The following FAM136A variants were observed in gnomAD, a reference collection of about 807,000 sequenced individuals.
FAM136A encodes TIM double twin CX3C motif chaperone, also known as TIM double twin CX3C motif protein.
A neutral mutation model predicts 21.6 loss-of-function variants in FAM136A; 25 were observed. The ratio of observed to expected loss-of-function variants is 1.16; its 90% CI spans 0.84 to 1.62. The LOEUF (loss-of-function observed/expected upper bound fraction) is 1.62, where lower values mean the gene tolerates loss of function less well. Ranked by LOEUF, FAM136A falls within the 40% of genes most tolerant of loss-of-function variation. The pLI is 0.00. For synonymous variants in FAM136A, 119 were observed against 129.4 expected (o/e 0.92, Z 0.55); for missense variants, 338 against 332.0 (o/e 1.02, Z -0.14).
Position 70,296,196 on chromosome 2 carries a change from G to C in FAM136A, c.*1093C>G, listed in dbSNP as rs1365529505. 3 of 136,984 alleles carry C rather than the reference G, an allele frequency of 2.2e-5. No individual in the cohort carries two copies. Among genetic ancestry groups the C allele is most frequent in the African/African-American group, 7.7e-5 (3 of 39,186 alleles). 8.5% of individuals were successfully genotyped at this position (136,984 alleles called of 1,614,324 possible). On this transcript the variant is annotated 3_prime_UTR_variant, in exon 3 of 3. Coordinates refer to ENST00000430566, the MANE Select transcript of FAM136A (RefSeq NM_001329752.2). Reference sequence around the variant, plus strand: ...AAAATGGTATTTGGTAATGGGGGCTGTCTCTCCTTTGCTCTAAGGGAGTCA... The same window carrying C: ...AAAATGGTATTTGGTAATGGGGGCTCTCTCTCCTTTGCTCTAAGGGAGTCA...
In FAM136A at chr2:70,301,690, G is replaced by A; in HGVS notation, c.322C>T (p.Gln108Ter). ...RLFSAPSSPG[Q>*]ERPRRQVGSP... ...CCCACCTGCCGCCGAGGACGCTCCT[G>A]CCCCGGGCTGGAAGGGGCGGAAAAC... Residue 108 changes from glutamine to a stop codon, truncating the protein, a stop_gained, in exon 1 of 3, where the codon CAG becomes TAG. Transcript: ENST00000430566. LOFTEE classifies it high-confidence loss of function. 3 of 1,535,370 alleles carry A rather than the reference G, an allele frequency of 2.0e-6. No individual in the cohort carries two copies. Among genetic ancestry groups the A allele is most frequent in the East Asian group, 2.4e-5 (1 of 40,892 alleles).
chr2:70,302,045 C>T lies in FAM136A; in HGVS notation c.-34G>A, dbSNP rs779458219. On this transcript the variant is annotated 5_prime_UTR_variant, in exon 1 of 3. Transcript: ENST00000430566. ...CGCGCTGCCCCGCGGCGCTCCGCGCCGGCGCCCATATGGAATCGGCGTACG... is the reference window on the plus strand; with the variant it reads ...CGCGCTGCCCCGCGGCGCTCCGCGCTGGCGCCCATATGGAATCGGCGTACG... 1 of 1,543,802 alleles carries T rather than the reference C, an allele frequency of 6.5e-7. No homozygotes were observed. Among genetic ancestry groups the T allele is most frequent in the Non-Finnish European group, 8.7e-7 (1 of 1,151,562 alleles).
chr2:70,302,005 C>T lies in FAM136A; in HGVS notation c.7G>A (p.Glu3Lys). The change falls in exon 1 of 3, where the codon GAG becomes AAG. Residue 3 changes from glutamate to lysine, a missense_variant. Coordinates refer to ENST00000430566, the MANE Select transcript of FAM136A (RefSeq NM_001329752.2). ...TCCTGCACCCGGAGCTGCTGCAGCT[C>T]AGCCATGGCGACCCCGCGCTGCCCC... is the stretch of plus-strand genomic sequence containing the variant. MAELQQLRVQEAV... is the reference protein window; with the variant it reads MAKLQQLRVQEAV... The T allele has an allele frequency of 1.9e-6, 3 of 1,598,632 alleles. No individual in the cohort carries two copies. The highest frequency in any genetic ancestry group is 2.6e-6 in the Non-Finnish European group (3 of 1,174,124).
chr2:70,301,875 G>A lies in FAM136A; in HGVS notation c.137C>T (p.Pro46Leu), dbSNP rs561545558. 7.0e-6 allele frequency: 11 copies of A among 1,567,278 alleles called. No individual in the cohort carries two copies. Among genetic ancestry groups the A allele is most frequent in the South Asian group, 1.2e-5 (1 of 85,400 alleles). ...CGCGTGGTGGCTGAGGGAAGGGCCC[G>A]GAACCCACCCGCTGAGAAGGGGGTC... ...NQDPLLSGWV[P>L]GPSLSHHATP... The change falls in exon 1 of 3, where the codon CCG becomes CTG. Residue 46 changes from proline (P) to leucine (L), a missense_variant. By Grantham distance (98) the Pro-to-Leu change is moderately conservative. Transcript: ENST00000430566.
intron 2 of FAM136A, 171 bp downstream of exon 2, chr2:70,300,669 C>T: frequency 1.4e-6 from 1 of 704,152 alleles, no homozygotes; most frequent in Non-Finnish European, 2.3e-6. Flanking sequence ...AGGCACTCGA[C>T]CGCCAAGACT....
In FAM136A at chr2:70,297,057, TA is replaced by T; in HGVS notation, c.*231del. ...ACTGGCCACAGGAAATAATAAGCTC[TA>T]AAACTCTCCTGTAATATCTCTGACT... On this transcript the variant is annotated 3_prime_UTR_variant, in exon 3 of 3. Transcript: ENST00000430566. 4.1e-6 allele frequency: 2 copies of T among 484,900 alleles called. No homozygotes were observed. Among genetic ancestry groups the T allele is most frequent in the Non-Finnish European group, 7.4e-6 (2 of 270,050 alleles). 30.0% of individuals were successfully genotyped at this position (484,900 alleles called of 1,614,324 possible).
rs1697402084 is a variant in FAM136A at position 70,301,621 on chromosome 2, T to G, written c.391A>C (p.Thr131Pro). The change falls in exon 1 of 3, where the codon ACG becomes CCG. Residue 131 changes from threonine to proline, a missense_variant. Physicochemically the swap from Thr to Pro is conservative, Grantham distance 38. Transcript: ENST00000430566. ...CCGCTCACCTGCGGAAGGGGCCGCG[T>G]AAGAGGGGAAGGTGGTGGGGCGAGC... ...QALAPPPSPL[T>P]RPLPQGLMFR... The G allele has an allele frequency of 6.5e-7, 1 of 1,535,740 alleles. No homozygotes were observed.
At chr2:70,299,465 T>G (rs1697335460) in intron 2 of FAM136A, among the ~76,000 whole-genome samples, 1 of 152,180 alleles carries the variant, frequency 6.6e-6, no homozygotes, top group Non-Finnish European at 1.5e-5. Flanking sequence ...GGGGCAGTCC[T>G]GGGTGGGTGT....
chr2:70,301,361 G>C lies in FAM136A; in HGVS notation c.408+243C>G, dbSNP rs953460327. 4.7e-6 allele frequency: 7 copies of C among 1,489,380 alleles called. No homozygotes were observed. In the South Asian group the frequency reaches 7.7e-5, roughly 16 times the overall value. 92.3% of individuals were successfully genotyped at this position (1,489,380 alleles called of 1,614,324 possible). ...ATACAAATTCCACCAGAGGGCAGCC[G>C]ACCCACTAATCAATGACTCAAGGGG... On this transcript the variant is annotated intron_variant, in intron 1 of 2. Coordinates refer to ENST00000430566, the MANE Select transcript of FAM136A (RefSeq NM_001329752.2).
rs982963820 is a variant in FAM136A at position 70,301,708 on chromosome 2, C to T, written c.304G>A (p.Ala102Thr). The change falls in exon 1 of 3, where the codon GCC (alanine) becomes ACC (threonine). Residue 102 changes from alanine (A) to threonine (T), a missense_variant. Transcript: ENST00000430566. ...VPLPCARLFS[A>T]PSSPGQERPR... Reference sequence around the variant, plus strand: ...CGCTCCTGCCCCGGGCTGGAAGGGGCGGAAAACAGCCTCGCGCACGGCAAG... The same window carrying T: ...CGCTCCTGCCCCGGGCTGGAAGGGGTGGAAAACAGCCTCGCGCACGGCAAG... 2 of 1,535,858 alleles carry T rather than the reference C, an allele frequency of 1.3e-6. No homozygotes were observed. Among genetic ancestry groups the T allele is most frequent in the African/African-American group, 2.7e-5 (2 of 73,030 alleles).
At chr2:70,300,064 G>C (rs1199276119) in intron 2 of FAM136A, among the ~76,000 whole-genome samples, 2 of 151,258 alleles carry the variant, frequency 1.3e-5, no homozygotes, top group Admixed American at 1.3e-4. Context: ...ACCATGCCCA[G>C]ATAATTTCTG....
rs1697378847 is a variant in FAM136A, at chr2:70,300,920, C to A, written c.469G>T (p.Val157Leu). 6 of 1,613,574 alleles carry A rather than the reference C, an allele frequency of 3.7e-6. No homozygotes were observed. Among genetic ancestry groups the A allele is most frequent in the Non-Finnish European group, 3.4e-6 (4 of 1,179,596 alleles). The change falls in exon 2 of 3, where the codon GTG becomes TTG. Residue 157 changes from valine (V) to leucine (L), a missense_variant. Coordinates refer to ENST00000430566, the MANE Select transcript of FAM136A (RefSeq NM_001329752.2). Reference sequence around the variant, plus strand: ...TGGCAGCGCTCGATGCACTGGTGCACCTGCTTCATGGAGGCCTGGCTGTCC... The same window carrying A: ...TGGCAGCGCTCGATGCACTGGTGCAACTGCTTCATGGAGGCCTGGCTGTCC... ...CEDSQASMKQ[V>L]HQCIERCHVP...
At position 70,297,216 on chromosome 2, in the gene FAM136A, A is replaced by G; in HGVS notation, c.*73T>C. The G allele has an allele frequency of 1.3e-6, 2 of 1,496,416 alleles. No individual in the cohort carries two copies. The highest frequency in any genetic ancestry group is 1.8e-6 in the Non-Finnish European group (2 of 1,107,992). 92.7% of individuals were successfully genotyped at this position (1,496,416 alleles called of 1,614,324 possible). A position where few individuals can be genotyped will look rare whatever the true frequency, so the allele number is the denominator to read the frequency against. ...TTCTTCATTCGTAAACTTTGCTTAA[A>G]AGACTAAAATTCCCAATTCCTTATA... is the stretch of plus-strand genomic sequence containing the variant. On this transcript the variant is annotated 3_prime_UTR_variant, in exon 3 of 3. Transcript: ENST00000430566.
intron 1 of FAM136A, 197 bp downstream of exon 1, chr2:70,301,407 C>T: frequency 6.5e-7 from 1 of 1,532,162 alleles, no homozygotes; most frequent in East Asian, 2.5e-5. Flanking sequence ...GAAACGCATA[C>T]TCCGTGAGAG....
chr2:70,297,588 C>A, intron 2 of FAM136A, 111 bp from the exon 3 acceptor site: 79 of 689,810 alleles, frequency 1.1e-4, no homozygotes, highest in Non-Finnish European at 1.5e-4. Context: ...TTATCTTGGT[C>A]AATTAAAGGG....
At chr2:70,300,183 A>C (rs2104940137) in intron 2 of FAM136A, among the ~76,000 whole-genome samples, 1 of 152,258 alleles carries the variant, frequency 6.6e-6, no homozygotes, top group Non-Finnish European at 1.5e-5. Flanking sequence ...TACAGGCGCG[A>C]GCTACGCGTC....
chr2:70,297,729 G>C (rs1349532386), intron 2 of FAM136A, among the ~76,000 whole-genome samples: 1 of 149,596 alleles, frequency 6.7e-6, no homozygotes, highest in African/African-American at 2.5e-5. Context: ...AACGTCCCAG[G>C]CTCACGCTAT....
chr2:70,301,570 T>C (rs1323816033), intron 1 of FAM136A, 34 bp downstream of exon 1: 2 of 1,535,832 alleles, frequency 1.3e-6, no homozygotes, highest in Non-Finnish European at 1.7e-6. Flanking sequence ...TCTTTCACGT[T>C]GGCAGCGCCT....
Position 70,301,656 on chromosome 2 carries a change from C to T in FAM136A, c.356G>A (p.Trp119Ter). 2 of 1,535,386 alleles carry T rather than the reference C, an allele frequency of 1.3e-6. No individual in the cohort carries two copies. The highest frequency in any genetic ancestry group is 2.0e-5 in the Admixed American group (1 of 50,976). Residue 119 changes from tryptophan to a stop codon, truncating the protein, a stop_gained, in exon 1 of 3, where the codon TGG becomes TAG. Coordinates refer to ENST00000430566, the MANE Select transcript of FAM136A (RefSeq NM_001329752.2). LOFTEE classifies it high-confidence loss of function. ...AGGTGGTGGGGCGAGCGCCTGCCAC[C>T]AGGGGCTTCCCACCTGCCGCCGAGG... ...ERPRRQVGSP[W>*]WQALAPPPSP... is the part of the protein sequence containing the mutation.
Sources: gnomAD v4.1 joint callset for allele counts (sites outside exome capture counted in the v4.1 genomes callset) on GRCh38, gnomAD v4.1.1 for gene constraint, MANE v1.5 for transcripts, NCBI Gene and HGNC (gene_info 2026-07-23, HGNC 2026-07-21) for gene names.